The following C17orf78 variants were observed in gnomAD, a reference collection of about 807,000 sequenced individuals.
The protein encoded by C17orf78 is uncharacterized protein C17orf78.
C17orf78 carries 27 observed loss-of-function variants against 31.8 expected under a neutral mutation model. The ratio of observed to expected loss-of-function variants is 0.85; its 90% CI spans 0.63 to 1.17. The LOEUF (loss-of-function observed/expected upper bound fraction) is 1.17. Among genes scored for constraint, C17orf78 ranks in the 50% most tolerant of loss-of-function variants. The pLI, the probability that C17orf78 is intolerant of heterozygous loss-of-function variation, is 0.00. For synonymous variants in C17orf78, 106 were observed against 115.1 expected (o/e 0.92, Z 0.51); for missense variants, 258 against 315.2 (o/e 0.82, Z 1.37).
At chr17:37,381,824 T>A (rs1246912110) in intron 3 of C17orf78, among the ~76,000 whole-genome samples, 1 of 151,740 alleles carries the variant, frequency 6.6e-6, no homozygotes. Flanking sequence ...AGATGGGGTT[T>A]CACCGTGTTG....
intron 3 of C17orf78, 23 bp downstream of exon 3, chr17:37,379,405 G>C: frequency 1.2e-6 from 2 of 1,606,392 alleles, no homozygotes; most frequent in Non-Finnish European, 1.7e-6. Flanking sequence ...AAGAGGAAGG[G>C]GGCAGGCACT....
rs750590762 is a variant in C17orf78, at chr17:37,379,362, G to C, written c.371G>C (p.Gly124Ala). 10 of 1,613,808 alleles carry C rather than the reference G, an allele frequency of 6.2e-6. No homozygotes were observed. Among genetic ancestry groups the C allele is most frequent in the Non-Finnish European group, 8.5e-6 (10 of 1,179,896 alleles). ...ATCCCCACATCCAAGTTTCAGACTG[G>C]ATCTCTTCTAAAAGGCAAAGGTGAG... Reference protein sequence around the residue: ...HLIPTSKFQTGSLLKGKAFLP... With the variant: ...HLIPTSKFQTASLLKGKAFLP... The change falls in exon 3 of 7, where the codon GGA (glycine) becomes GCA (alanine). Residue 124 changes from glycine to alanine, a missense_variant. Coordinates refer to ENST00000615133, the MANE Select transcript of C17orf78 (RefSeq NM_173625.5).
chr17:37,376,307 C>A (rs1244446203), intron 1 of C17orf78, among the ~76,000 whole-genome samples, 157 bp downstream of exon 1: 1 of 152,214 alleles, frequency 6.6e-6, no homozygotes, highest in Non-Finnish European at 1.5e-5. Flanking sequence ...AGAAGGACTG[C>A]AACTTATTCA....
At chr17:37,384,029 C>T (rs1197517380) in intron 3 of C17orf78, among the ~76,000 whole-genome samples, 1 of 152,114 alleles carries the variant, frequency 6.6e-6, no homozygotes, top group African/African-American at 2.4e-5. Flanking sequence ...ACTTTGGGAG[C>T]CCGAGGCGGG....
At chr17:37,376,372 C>T (rs1266026955) in intron 1 of C17orf78, among the ~76,000 whole-genome samples, 2 of 152,178 alleles carry the variant, frequency 1.3e-5, no homozygotes, top group East Asian at 3.8e-4. Context: ...GAATGTGATG[C>T]ATTCTTATGT....
intron 4 of C17orf78, among the ~76,000 whole-genome samples, chr17:37,388,451 G>A (rs2050645923): frequency 6.6e-6 from 1 of 152,052 alleles, no homozygotes; most frequent in African/African-American, 2.4e-5. Flanking sequence ...GACTCAGTGG[G>A]AAGAGAGTGC....
chr17:37,389,201 C>T, intron 5 of C17orf78, 45 bp from the exon 6 acceptor site: 1 of 1,543,100 alleles, frequency 6.5e-7, no homozygotes. Context: ...AAACCAAATG[C>T]TTACCAGCCA....
chr17:37,390,330 A>ATATATATATATATATATATATATC lies in C17orf78; in HGVS notation c.750+972_750+973insTATATATATATATATATATCTATA, dbSNP rs1386032855. On this transcript the variant is annotated intron_variant, in intron 6 of 6. Coordinates refer to ENST00000615133, the MANE Select transcript of C17orf78 (RefSeq NM_173625.5). Reference sequence around the variant, plus strand: ...TATATATATATATATATATATATATATATAAAAGGCCAGCTGGGCCGGGCA... The same window carrying ATATATATATATATATATATATATC: ...TATATATATATATATATATATATATATATATATATATATATATATATATCTATAAAAGGCCAGCTGGGCCGGGCA... Among the ~76,000 whole-genome samples the ATATATATATATATATATATATATC allele has an allele frequency of 2.3e-3, 96 of 41,502 alleles. 6 individuals carry two copies. The highest frequency in any genetic ancestry group is 3.8e-3 in the African/African-American group (30 of 7,826). 27.2% of individuals were successfully genotyped at this position (41,502 alleles called of 152,430 possible).
rs1306491469 is a variant in C17orf78, at chr17:37,392,382, T to C, written c.*658T>C. On this transcript the variant is annotated 3_prime_UTR_variant, in exon 7 of 7. Coordinates refer to ENST00000615133, the MANE Select transcript of C17orf78 (RefSeq NM_173625.5). ...TATTATATCATACTTTAATAGAGAG[T>C]TGCATACCTTTTGGACAAAGATTCC... is the stretch of plus-strand genomic sequence containing the variant. 6.6e-6 allele frequency: 1 copy of C among 152,154 alleles called. No individual in the cohort carries two copies. Among genetic ancestry groups the C allele is most frequent in the African/African-American group, 2.4e-5 (1 of 41,432 alleles). The allele number at this position is 152,154 out of a possible 1,614,324, so 9.4% of individuals were successfully genotyped here.
At chr17:37,388,577 C>G (rs927599404) in intron 4 of C17orf78, 93 bp from the exon 5 acceptor site, 2 of 1,432,924 alleles carry the variant, frequency 1.4e-6, no homozygotes, top group African/African-American at 2.8e-5. Flanking sequence ...CTCTAATAGT[C>G]TTGTGAGCCA....
chr17:37,389,077 T>C (rs2050675954), intron 5 of C17orf78, among the ~76,000 whole-genome samples, 169 bp from the exon 6 acceptor site: 1 of 152,208 alleles, frequency 6.6e-6, no homozygotes, highest in Admixed American at 6.5e-5. Context: ...TAAATGCAGT[T>C]CCTTTCCTCT....
At chr17:37,391,163 G>A (rs573847626) in intron 6 of C17orf78, among the ~76,000 whole-genome samples, 53 of 152,182 alleles carry the variant, frequency 3.5e-4, no homozygotes, top group African/African-American at 5.5e-4. Context: ...GCTTGAACCC[G>A]GGAGGCACAG....
At chr17:37,389,419 G>A (rs116777006) in intron 6 of C17orf78, 57 bp downstream of exon 6, 16 of 1,539,616 alleles carry the variant, frequency 1.0e-5, no homozygotes, top group Admixed American at 7.9e-5. Context: ...GGTAGGGGCC[G>A]GGCGTGGTGG....
rs755155727 is a variant in C17orf78, at chr17:37,379,374, A to G, written c.383A>G (p.Lys128Arg). 2 of 1,613,706 alleles carry G rather than the reference A, an allele frequency of 1.2e-6. No individual in the cohort carries two copies. The highest frequency in any genetic ancestry group is 1.7e-6 in the Non-Finnish European group (2 of 1,179,778). Reference protein sequence around the residue: ...TSKFQTGSLLKGKAFLPGISQ... With the variant: ...TSKFQTGSLLRGKAFLPGISQ... ...AAGTTTCAGACTGGATCTCTTCTAA[A>G]AGGCAAAGGTGAGATTGGAAAAGAG... Residue 128 changes from lysine to arginine, a missense_variant, in exon 3 of 7, where the codon AAA becomes AGA. Lys to Arg is a conservative substitution (Grantham distance 26). Transcript: ENST00000615133.
intron 1 of C17orf78, among the ~76,000 whole-genome samples, chr17:37,376,775 C>A (rs1053775241): frequency 1.3e-5 from 2 of 151,846 alleles, no homozygotes; most frequent in African/African-American, 4.8e-5. Context: ...GCCAACATGG[C>A]GAAACCCCAT....
chr17:37,379,382 G>A lies in C17orf78; in HGVS notation c.391G>A (p.Ala131Thr), dbSNP rs1568077644. Residue 131 changes from alanine (A) to threonine (T), a missense_variant and splice_region_variant, in exon 3 of 7, where the codon GCT (alanine) becomes ACT (threonine). Physicochemically the swap from Ala to Thr is moderately conservative, Grantham distance 58. Transcript: ENST00000615133. ...GACTGGATCTCTTCTAAAAGGCAAAGGTGAGATTGGAAAAGAGGAAGGGGG... is the reference window on the plus strand; with the variant it reads ...GACTGGATCTCTTCTAAAAGGCAAAAGTGAGATTGGAAAAGAGGAAGGGGG... ...FQTGSLLKGK[A>T]FLPGISQCKV... 2 of 1,612,874 alleles carry A rather than the reference G, an allele frequency of 1.2e-6. No homozygotes were observed. Among genetic ancestry groups the A allele is most frequent in the Non-Finnish European group, 8.5e-7 (1 of 1,179,274 alleles).
intron 3 of C17orf78, among the ~76,000 whole-genome samples, chr17:37,384,722 T>A (rs2050452825): frequency 6.6e-6 from 1 of 152,236 alleles, no homozygotes; most frequent in Non-Finnish European, 1.5e-5. Context: ...GTTGACTTTA[T>A]GTCTGTCTCT....
At position 37,392,489 on chromosome 17, in the gene C17orf78, G is replaced by A; in HGVS notation, c.*765G>A. On this transcript the variant is annotated 3_prime_UTR_variant, in exon 7 of 7. Coordinates refer to ENST00000615133, the MANE Select transcript of C17orf78 (RefSeq NM_173625.5). The stretch of plus-strand genomic sequence containing the variant: ...TCTAACCTGCTTAAATAAGAGTTTG[G>A]TGAGAAAGTGAAACCACCTGATCTT... 1 of 152,238 alleles carries A rather than the reference G, an allele frequency of 6.6e-6. No homozygotes were observed. The highest frequency in any genetic ancestry group is 2.4e-5 in the African/African-American group (1 of 41,550). The allele number at this position is 152,238 out of a possible 1,614,324, so 9.4% of individuals were successfully genotyped here.
chr17:37,390,175 T>TATATATATATATACACACAC (rs60788220), intron 6 of C17orf78, among the ~76,000 whole-genome samples: 4 of 44,512 alleles, frequency 9.0e-5, no homozygotes, highest in African/African-American at 1.2e-4. Context: ...TATATATATA[T>TATATATATATATACACACAC]ACACACACAC....
Sources: allele counts gnomAD v4.1 joint callset (sites outside exome capture counted in the v4.1 genomes callset), GRCh38; gene constraint gnomAD v4.1.1; transcripts MANE v1.5; gene names NCBI Gene and HGNC (gene_info 2026-07-23, HGNC 2026-07-21).